Variants in ROR1 observed in about 807,000 individuals in gnomAD.
ROR1 encodes the protein ROR family WNT receptor 1.
Under a neutral mutation model 78.8 loss-of-function variants are expected in ROR1, and 19 were observed. The ratio of observed to expected loss-of-function variants is 0.24; its 90% CI spans 0.17 to 0.35. The LOEUF (loss-of-function observed/expected upper bound fraction) is 0.35, where lower values mean the gene tolerates loss of function less well. Ranked by LOEUF, ROR1 falls within the 10% of genes least tolerant of loss-of-function variation. The probability of loss-of-function intolerance (pLI) is 1.00; values close to 1 mark genes in which losing one functional copy is unlikely to be tolerated. For synonymous variants in ROR1, 386 were observed against 433.6 expected, an observed-to-expected ratio of 0.89 and a Z score of 1.36; for missense variants, 917 against 1,177.8, an observed-to-expected ratio of 0.78 and a Z score of 3.24.
chr1:64,065,214 A>G (rs894237792), intron 4 of ROR1, among the ~76,000 whole-genome samples: 13 of 152,162 alleles, frequency 8.5e-5, no homozygotes, highest in African/African-American at 3.1e-4. Context: ...ATAGACTATT[A>G]CTTCCCCATT....
At chr1:63,906,377 TTGTGTGTATG>T (rs1270133516) in intron 1 of ROR1, among the ~76,000 whole-genome samples, 3 of 152,154 alleles carry the variant, frequency 2.0e-5, no homozygotes, top group Non-Finnish European at 4.4e-5. Context: ...CTATCAAGAT[TTGTGTGTATG>T]TGTGTGTTTG....
intron 8 of ROR1, among the ~76,000 whole-genome samples, chr1:64,172,523 T>C (rs2100741731): frequency 6.6e-6 from 1 of 152,310 alleles, no homozygotes; most frequent in East Asian, 1.9e-4. Context: ...TTACAGCATA[T>C]AATAAACCGA....
At chr1:63,817,431 T>C (rs910586190) in intron 1 of ROR1, among the ~76,000 whole-genome samples, 4 of 152,246 alleles carry the variant, frequency 2.6e-5, no homozygotes, top group African/African-American at 7.2e-5. Context: ...GCCAGTGTTT[T>C]GGAAGATTCA....
intron 8 of ROR1, among the ~76,000 whole-genome samples, chr1:64,161,741 C>A (rs1482123833): frequency 6.6e-6 from 1 of 152,104 alleles, no homozygotes; most frequent in Non-Finnish European, 1.5e-5. Context: ...AACTCCTGAA[C>A]CAGAGAAGTA....
intron 4 of ROR1, among the ~76,000 whole-genome samples, chr1:64,076,793 A>G (rs534699682): frequency 1.2e-4 from 18 of 152,342 alleles, no homozygotes; most frequent in African/African-American, 4.3e-4. Flanking sequence ...CTTGGCAATT[A>G]TATTTTGATA....
intron 1 of ROR1, among the ~76,000 whole-genome samples, chr1:63,888,115 G>A (rs1353254055): frequency 1.3e-5 from 2 of 152,062 alleles, no homozygotes; most frequent in Non-Finnish European, 2.9e-5. Flanking sequence ...CTAAGCAGAG[G>A]TCATTATTAT....
chr1:63,995,734 C>T (rs1386341667), intron 1 of ROR1, among the ~76,000 whole-genome samples: 1 of 152,034 alleles, frequency 6.6e-6, no homozygotes, highest in Non-Finnish European at 1.5e-5. Context: ...CAAATTACCC[C>T]AAAATATAGT....
chr1:63,986,250 C>G (rs1646250922), intron 1 of ROR1, among the ~76,000 whole-genome samples: 1 of 152,134 alleles, frequency 6.6e-6, no homozygotes, highest in Admixed American at 6.6e-5. Context: ...TTTAAAAATT[C>G]ATTTATGTCT....
At chr1:63,946,243 T>C (rs1187904354) in intron 1 of ROR1, among the ~76,000 whole-genome samples, 1 of 152,134 alleles carries the variant, frequency 6.6e-6, no homozygotes, top group Non-Finnish European at 1.5e-5. Context: ...TAGCTATTGG[T>C]TCCTCCTCTC....
At chr1:64,080,713 T>G (rs1647094120) in intron 4 of ROR1, among the ~76,000 whole-genome samples, 1 of 152,172 alleles carries the variant, frequency 6.6e-6, no homozygotes, top group African/African-American at 2.4e-5. Context: ...TGGCAGCAAC[T>G]CTGGGCCAAG....
chr1:63,971,304 C>T lies in ROR1; in HGVS notation c.92-38001C>T, dbSNP rs1185173698. Among the ~76,000 whole-genome samples the T allele has an allele frequency of 2.0e-5, 3 of 152,138 alleles. 1 individual carries two copies. Among genetic ancestry groups the T allele is most frequent in the Non-Finnish European group, 4.4e-5 (3 of 68,022 alleles). ...GGAGGATATTAATAATATTACTTAA[C>T]CCATAAGCTATTATAAGGATTAAAG... On this transcript the variant is annotated intron_variant, in intron 1 of 8. Coordinates refer to ENST00000371079, the MANE Select transcript of ROR1 (RefSeq NM_005012.4).
intron 1 of ROR1, among the ~76,000 whole-genome samples, chr1:63,945,631 A>C (rs1475125372): frequency 6.6e-6 from 1 of 152,070 alleles, no homozygotes; most frequent in African/African-American, 2.4e-5. Flanking sequence ...TTGCTACATC[A>C]AACATACCCA....
intron 1 of ROR1, among the ~76,000 whole-genome samples, chr1:63,870,555 A>C (rs1645245016): frequency 6.6e-6 from 1 of 152,218 alleles, no homozygotes; most frequent in Admixed American, 6.5e-5. Context: ...TATTACTCTG[A>C]GTAGACCAAG....
chr1:64,005,239 A>G (rs1345378532), intron 1 of ROR1, among the ~76,000 whole-genome samples: 1 of 152,220 alleles, frequency 6.6e-6, no homozygotes, highest in Non-Finnish European at 1.5e-5. Flanking sequence ...TTGAGTCTCT[A>G]TGCTGGACAC....
chr1:64,109,622 G>T (rs943721874), intron 4 of ROR1, among the ~76,000 whole-genome samples: 2 of 152,080 alleles, frequency 1.3e-5, no homozygotes, highest in Non-Finnish European at 2.9e-5. Context: ...CAACCTCCCA[G>T]GTTCAACCAA....
chr1:63,954,453 G>A (rs1417578365), intron 1 of ROR1, among the ~76,000 whole-genome samples: 4 of 152,198 alleles, frequency 2.6e-5, no homozygotes, highest in Non-Finnish European at 5.9e-5. Context: ...TTTTGGAAGA[G>A]GGAAGAACAG....
At position 64,129,899 on chromosome 1, in the gene ROR1, G is replaced by A. The variant is rs569326625; in HGVS notation, c.483-7470G>A. Among the ~76,000 whole-genome samples the A allele has an allele frequency of 7.9e-5, 12 of 152,272 alleles. 2 individuals carry two copies. The highest frequency in any genetic ancestry group is 5.8e-4 in the East Asian group (3 of 5,188). ...TTTCCAAACATCACTATGAAGCAAA[G>A]CCAATACCTTCCCTTTTCTGAGTTG... On this transcript the variant is annotated intron_variant, in intron 4 of 8. Coordinates refer to ENST00000371079, the MANE Select transcript of ROR1 (RefSeq NM_005012.4).
At chr1:64,008,882 C>G (rs1646452203) in intron 1 of ROR1, among the ~76,000 whole-genome samples, 1 of 152,108 alleles carries the variant, frequency 6.6e-6, no homozygotes, top group Non-Finnish European at 1.5e-5. Flanking sequence ...ATCCACCTGC[C>G]TCGGCCTCCC....
At chr1:63,813,092 C>G (rs1376211891) in intron 1 of ROR1, among the ~76,000 whole-genome samples, 1 of 151,862 alleles carries the variant, frequency 6.6e-6, no homozygotes. Flanking sequence ...GTTATCAAAT[C>G]TTTTAAACCA....
Sources: allele counts gnomAD v4.1 joint callset (sites outside exome capture counted in the v4.1 genomes callset), GRCh38; gene constraint gnomAD v4.1.1; transcripts MANE v1.5; gene names NCBI Gene and HGNC (gene_info 2026-07-23, HGNC 2026-07-21).